The following TNR variants were observed in gnomAD, a reference collection of about 807,000 sequenced individuals.
TNR encodes tenascin-R.
TNR carries 45 observed loss-of-function variants against 150.4 expected under a neutral mutation model. That is an observed-to-expected ratio of 0.30 (90% CI 0.24 to 0.38). TNR has a LOEUF of 0.38. TNR is among the 10% of genes least tolerant of loss of function. The pLI is 1.00. For synonymous variants in TNR, 687 were observed against 678.4 expected, an observed-to-expected ratio of 1.01 and a Z score of -0.20; for missense variants, 1,544 against 1,759.1, an observed-to-expected ratio of 0.88 and a Z score of 2.19.
At chr1:175,523,138 T>A (rs1262293492) in intron 2 of TNR, among the ~76,000 whole-genome samples, 1 of 152,218 alleles carries the variant, frequency 6.6e-6, no homozygotes, top group Non-Finnish European at 1.5e-5. Flanking sequence ...ATCTGTTCTC[T>A]CCTTTCAACC....
intron 2 of TNR, among the ~76,000 whole-genome samples, chr1:175,418,722 G>GA (rs71565437): frequency 9.2e-4 from 120 of 129,944 alleles, no homozygotes; most frequent in Middle Eastern, 4.2e-3. Flanking sequence ...GAGAGAGAGA[G>GA]AAAAAAAAAA....
rs371414542 is a variant in TNR, at chr1:175,732,801, G to T, written c.-165+10425C>A. ...CTTGGTTTCCTCACCTGTGAAAAGG[G>T]GTTAATAACAGCACCTCATTCCAAA... On this transcript the variant is annotated intron_variant, in intron 1 of 22. Transcript: ENST00000367674. Among the ~76,000 whole-genome samples the T allele has an allele frequency of 7.2e-5, 11 of 152,276 alleles. No individual in the cohort carries two copies. The South Asian group carries it at 2.3e-3, about 32-fold the overall frequency.
chr1:175,386,312 A>T lies in TNR; in HGVS notation c.1508-11T>A. Reference sequence around the variant, plus strand: ...TGGGGCCGTCAATGACTGAGTGAGAAGGATCAAACAGAACAAAAAGTTTGA... The same window carrying T: ...TGGGGCCGTCAATGACTGAGTGAGATGGATCAAACAGAACAAAAAGTTTGA... On this transcript the variant is annotated splice_polypyrimidine_tract_variant and intron_variant, in intron 7 of 22. Transcript: ENST00000367674. 6.5e-7 allele frequency: 1 copy of T among 1,527,354 alleles called. No homozygotes were observed. 94.6% of individuals were successfully genotyped at this position (1,527,354 alleles called of 1,614,324 possible). A position where few individuals can be genotyped will look rare whatever the true frequency, so the allele number is the denominator to read the frequency against.
chr1:175,601,485 T>G (rs1663234369), intron 1 of TNR, among the ~76,000 whole-genome samples: 1 of 152,250 alleles, frequency 6.6e-6, no homozygotes, highest in East Asian at 1.9e-4. Flanking sequence ...TCTGGATTTG[T>G]AATATTAAAA....
rs745332200 is a variant in TNR, at chr1:175,485,528, G to T, written c.-64+42741C>A. Among the ~76,000 whole-genome samples, 58 of 152,228 alleles carry T rather than the reference G, an allele frequency of 3.8e-4. 1 individual carries two copies. The Middle Eastern group carries it at 0.014, about 36-fold the overall frequency. ...CAATTTCAGGGTCCTCAAATTTCTG[G>T]TCTGCCCCTAAATACGTAGAAGGTG... On this transcript the variant is annotated intron_variant, in intron 2 of 22. Coordinates refer to ENST00000367674, the MANE Select transcript of TNR (RefSeq NM_003285.3).
chr1:175,577,998 T>C (rs780764388), intron 1 of TNR, among the ~76,000 whole-genome samples: 1 of 152,172 alleles, frequency 6.6e-6, no homozygotes, highest in Non-Finnish European at 1.5e-5. Flanking sequence ...AAGGAGGAAA[T>C]TGCTTTGAAA....
chr1:175,347,033 A>T (rs1408309149), intron 18 of TNR, among the ~76,000 whole-genome samples: 1 of 152,174 alleles, frequency 6.6e-6, no homozygotes, highest in Non-Finnish European at 1.5e-5. Context: ...TATACAGGTC[A>T]GTTTCATTTA....
Position 175,405,600 on chromosome 1 carries a change from AGAGT to A in TNR, c.499+612_499+615del, listed in dbSNP as rs1311403483. 2.7e-4 allele frequency among the ~76,000 whole-genome samples: 37 copies of A among 137,748 alleles called. No homozygotes were observed. The South Asian group carries it at 6.0e-3, about 22-fold the overall frequency. The allele number at this position is 137,748 out of a possible 152,430, so 90.4% of individuals were successfully genotyped here. A position where few individuals can be genotyped will look rare whatever the true frequency, so the allele number is the denominator to read the frequency against. ...ATGCGTGTGTGCATGCGTGAGAGAG[AGAGT>A]ATGTGTGTGTGAGAGTGTGTGTGTG... On this transcript the variant is annotated intron_variant, in intron 3 of 22. Transcript: ENST00000367674.
chr1:175,655,121 G>C (rs1665133861), intron 1 of TNR, among the ~76,000 whole-genome samples: 1 of 152,056 alleles, frequency 6.6e-6, no homozygotes, highest in Non-Finnish European at 1.5e-5. Flanking sequence ...TGGTGCACTG[G>C]AATTGTGTTG....
At position 175,726,148 on chromosome 1, in the gene TNR, T is replaced by C. The variant is rs183825490; in HGVS notation, c.-165+17078A>G. 8.5e-5 allele frequency among the ~76,000 whole-genome samples: 13 copies of C among 152,312 alleles called. No homozygotes were observed. In the East Asian group the frequency reaches 2.5e-3, roughly 29 times the overall value. ...AAAACATATAAAGTTATTAGTGCTA[T>C]TGGGTATGCTAAAGTACCAGTCCTC... On this transcript the variant is annotated intron_variant, in intron 1 of 22. Coordinates refer to ENST00000367674, the MANE Select transcript of TNR (RefSeq NM_003285.3).
intron 1 of TNR, among the ~76,000 whole-genome samples, chr1:175,585,700 G>T (rs558894209): frequency 6.6e-6 from 1 of 152,306 alleles, no homozygotes; most frequent in South Asian, 2.1e-4. Flanking sequence ...AGTAAATGGT[G>T]GTTCTTGAGT....
chr1:175,674,436 C>T (rs950565269), intron 1 of TNR, among the ~76,000 whole-genome samples: 6 of 152,178 alleles, frequency 3.9e-5, no homozygotes, highest in African/African-American at 1.4e-4. Context: ...GAAAAGCCTC[C>T]CACCAGGCTT....
At chr1:175,584,113 TC>T (rs1422085975) in intron 1 of TNR, among the ~76,000 whole-genome samples, 2 of 152,260 alleles carry the variant, frequency 1.3e-5, no homozygotes, top group African/African-American at 4.8e-5. Flanking sequence ...GAAGTTCTAA[TC>T]CCCAATGCCT....
At chr1:175,525,679 C>A (rs1659820020) in intron 2 of TNR, among the ~76,000 whole-genome samples, 1 of 152,192 alleles carries the variant, frequency 6.6e-6, no homozygotes, top group Non-Finnish European at 1.5e-5. Context: ...TCCTTAACAT[C>A]CCTCCAGGGA....
chr1:175,599,189 GA>G lies in TNR; in HGVS notation c.-164-70821del, dbSNP rs1344640831. On this transcript the variant is annotated intron_variant, in intron 1 of 22. Coordinates refer to ENST00000367674, the MANE Select transcript of TNR (RefSeq NM_003285.3). This position sits in a 1 kb window ranked among gnomAD's most constrained non-coding sequence, Gnocchi z 4.7. ...GGAGGAAGGAGAGCAGGAGGGAGGG[GA>G]AGCTGTCCCCAGCTGCCAGATGGGA... is the stretch of plus-strand genomic sequence containing the variant. Among the ~76,000 whole-genome samples the G allele has an allele frequency of 1.3e-5, 2 of 152,160 alleles. No homozygotes were observed. Among genetic ancestry groups the G allele is most frequent in the Non-Finnish European group, 2.9e-5 (2 of 68,024 alleles).
chr1:175,516,388 C>A (rs1041352044), intron 2 of TNR, among the ~76,000 whole-genome samples: 6 of 152,138 alleles, frequency 3.9e-5, no homozygotes, highest in African/African-American at 1.4e-4. Context: ...CAGCGTGGCC[C>A]AGGAGGAAAG....
intron 1 of TNR, among the ~76,000 whole-genome samples, chr1:175,556,256 C>T (rs748529407): frequency 8.5e-5 from 13 of 152,186 alleles, no homozygotes; most frequent in Admixed American, 4.6e-4. Context: ...ACAATCTAAA[C>T]ACCAAGCTCA....
At chr1:175,561,481 G>C (rs573662343) in intron 1 of TNR, among the ~76,000 whole-genome samples, 1 of 152,294 alleles carries the variant, frequency 6.6e-6, no homozygotes, top group East Asian at 1.9e-4. Context: ...GCAAAGAATA[G>C]CAGAGAACCA....
intron 1 of TNR, among the ~76,000 whole-genome samples, chr1:175,539,543 G>A (rs1200923931): frequency 6.6e-6 from 1 of 152,220 alleles, no homozygotes; most frequent in Non-Finnish European, 1.5e-5. Context: ...GTTGCACTGA[G>A]ACCTGCTGGC....
Sources: gnomAD v4.1 joint callset for allele counts (sites outside exome capture counted in the v4.1 genomes callset) on GRCh38, gnomAD v4.1.1 for gene constraint, Gnocchi (gnomAD v3.1) non-coding constraint, MANE v1.5 for transcripts, NCBI Gene and HGNC (gene_info 2026-07-23, HGNC 2026-07-21) for gene names.